Variants in RNF150 observed in about 807,000 individuals in gnomAD.
The protein encoded by RNF150 is ring finger protein 150.
A neutral mutation model predicts 39.3 loss-of-function variants in RNF150; 24 were observed. The observed-to-expected ratio is 0.61, with a 90% confidence interval of 0.44 to 0.86. The LOEUF is 0.86. Among genes scored for constraint, RNF150 ranks in the 40% least tolerant of loss-of-function variants. The pLI is 0.00. For synonymous variants in RNF150, 255 were observed against 227.3 expected, an observed-to-expected ratio of 1.12 and a Z score of -1.10; for missense variants, 502 against 587.8, an observed-to-expected ratio of 0.85 and a Z score of 1.51.
At chr4:141,071,702 A>G (rs927429855) in intron 1 of RNF150, among the ~76,000 whole-genome samples, 2 of 152,128 alleles carry the variant, frequency 1.3e-5, no homozygotes, top group Non-Finnish European at 2.9e-5. Context: ...CACTGGGATA[A>G]TTTTATGGGT....
At chr4:140,991,225 C>T (rs190274427) in intron 1 of RNF150, among the ~76,000 whole-genome samples, 1 of 151,846 alleles carries the variant, frequency 6.6e-6, no homozygotes, top group East Asian at 1.9e-4. Flanking sequence ...TGTTTAAGTT[C>T]CTTGTAGATT....
At chr4:141,120,934 C>G (rs1726585230) in intron 1 of RNF150, among the ~76,000 whole-genome samples, 1 of 152,112 alleles carries the variant, frequency 6.6e-6, no homozygotes, top group South Asian at 2.1e-4. Context: ...GGAAGGGAAG[C>G]TGAACACCAG....
intron 4 of RNF150, among the ~76,000 whole-genome samples, chr4:140,932,919 G>C (rs1471644343): frequency 6.6e-6 from 1 of 152,210 alleles, no homozygotes; most frequent in African/African-American, 2.4e-5. Context: ...GATACCCTCT[G>C]CTGACACACA....
intron 4 of RNF150, among the ~76,000 whole-genome samples, chr4:140,926,607 G>C (rs1731408216): frequency 6.6e-6 from 1 of 152,228 alleles, no homozygotes; most frequent in Non-Finnish European, 1.5e-5. Flanking sequence ...TCAAAAGCCA[G>C]AGTAGAAGGC....
At chr4:140,878,508 G>A (rs1432781954) in intron 6 of RNF150, among the ~76,000 whole-genome samples, 4 of 151,994 alleles carry the variant, frequency 2.6e-5, no homozygotes, top group South Asian at 4.2e-4. Context: ...CCTGATGATC[G>A]GTGATGTTAA....
At chr4:140,977,757 C>T (rs773634506) in intron 1 of RNF150, among the ~76,000 whole-genome samples, 4 of 152,120 alleles carry the variant, frequency 2.6e-5, no homozygotes, top group Admixed American at 1.3e-4. Context: ...CATTCGAATT[C>T]GCCATTAGCG....
At chr4:140,924,172 C>A (rs1731288175) in intron 5 of RNF150, among the ~76,000 whole-genome samples, 1 of 152,092 alleles carries the variant, frequency 6.6e-6, no homozygotes, top group Non-Finnish European at 1.5e-5. Context: ...GTTTATTTTT[C>A]TGACAGTTCA....
At chr4:140,951,244 T>C (rs1303482522) in intron 2 of RNF150, among the ~76,000 whole-genome samples, 1 of 152,174 alleles carries the variant, frequency 6.6e-6, no homozygotes, top group Non-Finnish European at 1.5e-5. Flanking sequence ...CCCTCAGATA[T>C]GCTCCCTGAG....
chr4:141,140,450 A>G (rs1727100350), intron 1 of RNF150, among the ~76,000 whole-genome samples: 1 of 152,198 alleles, frequency 6.6e-6, no homozygotes, highest in Non-Finnish European at 1.5e-5. Flanking sequence ...CTCATTTGAG[A>G]CTTGAGCCAA....
intron 4 of RNF150, among the ~76,000 whole-genome samples, chr4:140,937,730 CT>C (rs1731913356): frequency 6.6e-6 from 1 of 151,548 alleles, no homozygotes; most frequent in African/African-American, 2.4e-5. Flanking sequence ...ATGATTATTT[CT>C]GGGTGGTCAG....
At chr4:141,212,475 A>G (rs1728482833) in intron 1 of RNF150, among the ~76,000 whole-genome samples, 1 of 152,200 alleles carries the variant, frequency 6.6e-6, no homozygotes, top group Admixed American at 6.5e-5. Context: ...ATATGCTTGA[A>G]GGTGGGCTTG....
At chr4:141,004,691 A>T (rs1734800898) in intron 1 of RNF150, among the ~76,000 whole-genome samples, 1 of 152,200 alleles carries the variant, frequency 6.6e-6, no homozygotes, top group Admixed American at 6.5e-5. Flanking sequence ...TAACTAAAAA[A>T]TCATCCCCAC....
intron 4 of RNF150, among the ~76,000 whole-genome samples, chr4:140,943,623 C>T (rs1427930550): frequency 6.6e-6 from 1 of 152,158 alleles, no homozygotes; most frequent in Non-Finnish European, 1.5e-5. Flanking sequence ...ATCATGAATA[C>T]TTATTTAAAT....
At chr4:140,923,922 G>A (rs1333379413) in intron 5 of RNF150, among the ~76,000 whole-genome samples, 1 of 151,714 alleles carries the variant, frequency 6.6e-6, no homozygotes, top group Non-Finnish European at 1.5e-5. Flanking sequence ...ATTGAACAAT[G>A]AGAACACATG....
At chr4:141,157,326 A>C (rs1299809964) in intron 1 of RNF150, among the ~76,000 whole-genome samples, 1 of 152,176 alleles carries the variant, frequency 6.6e-6, no homozygotes, top group African/African-American at 2.4e-5. Context: ...AAGATGTCAG[A>C]TCCCTTTGGC....
intron 5 of RNF150, among the ~76,000 whole-genome samples, chr4:140,914,123 T>C (rs1578958538): frequency 6.6e-6 from 1 of 152,198 alleles, no homozygotes; most frequent in East Asian, 1.9e-4. Flanking sequence ...TTTGATGCAG[T>C]TTTTTTGTTC....
intron 4 of RNF150, among the ~76,000 whole-genome samples, chr4:140,945,304 G>GTT (rs1732244580): frequency 6.6e-6 from 1 of 151,710 alleles, no homozygotes. Flanking sequence ...CTATTTTTTT[G>GTT]TTAATATTTC....
At chr4:141,054,134 T>C (rs1483684570) in intron 1 of RNF150, among the ~76,000 whole-genome samples, 4 of 152,202 alleles carry the variant, frequency 2.6e-5, no homozygotes, top group African/African-American at 9.6e-5. Flanking sequence ...TGCCTAGTTA[T>C]AATCGTTGAG....
intron 6 of RNF150, among the ~76,000 whole-genome samples, chr4:140,869,859 A>G (rs1178334893): frequency 6.6e-6 from 1 of 152,060 alleles, no homozygotes; most frequent in African/African-American, 2.4e-5. Flanking sequence ...GAATATGGAC[A>G]GAGGAGGCCA....
Sources: allele counts gnomAD v4.1 joint callset (sites outside exome capture counted in the v4.1 genomes callset), GRCh38; gene constraint gnomAD v4.1.1; transcripts MANE v1.5; gene names NCBI Gene and HGNC (gene_info 2026-07-23, HGNC 2026-07-21).